Variants in ANKRD55 observed in about 807,000 individuals in gnomAD.
The protein encoded by ANKRD55 is ankyrin repeat domain 55.
ANKRD55 carries 41 observed loss-of-function variants against 60.6 expected under a neutral mutation model. The ratio of observed to expected loss-of-function variants is 0.68; its 90% CI spans 0.53 to 0.88. The LOEUF (loss-of-function observed/expected upper bound fraction) is 0.88. Among genes scored for constraint, ANKRD55 ranks in the 40% least tolerant of loss-of-function variants. ANKRD55 has a pLI of 0.00. For synonymous variants in ANKRD55, 264 were observed against 290.3 expected, an observed-to-expected ratio of 0.91 and a Z score of 0.92; for missense variants, 732 against 767.6, an observed-to-expected ratio of 0.95 and a Z score of 0.55.
chr5:56,107,403 T>C (rs1339675547), intron 10 of ANKRD55, among the ~76,000 whole-genome samples: 1 of 152,198 alleles, frequency 6.6e-6, no homozygotes, highest in Non-Finnish European at 1.5e-5. Context: ...TATTTCATTG[T>C]GTAAGTGAGC....
At chr5:56,107,921 G>A (rs1411362581) in intron 10 of ANKRD55, among the ~76,000 whole-genome samples, 1 of 151,494 alleles carries the variant, frequency 6.6e-6, no homozygotes, top group Admixed American at 6.6e-5. Flanking sequence ...CAAGTCTGGG[G>A]TGCAGTGGTG....
At position 56,171,276 on chromosome 5, in the gene ANKRD55, G is replaced by A. The variant is rs74924257; in HGVS notation, c.313-473C>T. Among the ~76,000 whole-genome samples, 17 of 152,146 alleles carry A rather than the reference G, an allele frequency of 1.1e-4. No individual in the cohort carries two copies. The East Asian group carries it at 1.5e-3, about 14-fold the overall frequency. The stretch of plus-strand genomic sequence containing the variant: ...CACCTTGTTGACTGATCTTTCTGAT[G>A]CTGAAAGCTTGAATTCCTAAATATA... On this transcript the variant is annotated intron_variant, in intron 4 of 11. Coordinates refer to ENST00000341048, the MANE Select transcript of ANKRD55 (RefSeq NM_024669.3).
chr5:56,184,698 G>T (rs1241160574), intron 2 of ANKRD55, among the ~76,000 whole-genome samples: 1 of 152,028 alleles, frequency 6.6e-6, no homozygotes, highest in Non-Finnish European at 1.5e-5. Context: ...AGGAGTTCGA[G>T]ATCAGCCTGG....
intron 2 of ANKRD55, among the ~76,000 whole-genome samples, chr5:56,213,465 C>G (rs1490140450): frequency 6.9e-6 from 1 of 144,982 alleles, no homozygotes; most frequent in Non-Finnish European, 1.5e-5. Flanking sequence ...ATTCTAAAAG[C>G]AAAAACAAAG....
intron 6 of ANKRD55, among the ~76,000 whole-genome samples, chr5:56,148,835 C>T (rs946023779): frequency 1.4e-5 from 2 of 145,968 alleles, no homozygotes; most frequent in East Asian, 2.2e-4. Flanking sequence ...GTTGGCGGTT[C>T]GGGGTGGGGT....
chr5:56,162,036 T>C (rs1322650405), intron 5 of ANKRD55: 36 of 985,336 alleles, frequency 3.7e-5, no homozygotes, highest in Non-Finnish European at 3.9e-5. Context: ...TGGCTCATTA[T>C]TGGCCATTGT....
chr5:56,179,397 T>G (rs116015320), intron 3 of ANKRD55, among the ~76,000 whole-genome samples: 1 of 152,042 alleles, frequency 6.6e-6, no homozygotes, highest in East Asian at 1.9e-4. Flanking sequence ...AGCTTCAGAA[T>G]AGCGGTTAGT....
intron 4 of ANKRD55, among the ~76,000 whole-genome samples, chr5:56,174,327 GT>G (rs1325291805): frequency 6.6e-6 from 1 of 152,200 alleles, no homozygotes. Flanking sequence ...AAGGGGGACA[GT>G]TTGCTTTCAC....
intron 7 of ANKRD55, among the ~76,000 whole-genome samples, chr5:56,143,321 T>C (rs1008760736): frequency 1.3e-5 from 2 of 152,304 alleles, no homozygotes; most frequent in Middle Eastern, 3.4e-3. Context: ...CTATTCTGAT[T>C]TGTTTGGTTG....
At chr5:56,109,858 A>G (rs1228024800) in intron 10 of ANKRD55, among the ~76,000 whole-genome samples, 1 of 152,096 alleles carries the variant, frequency 6.6e-6, no homozygotes, top group South Asian at 2.1e-4. Flanking sequence ...CTCTACTAAA[A>G]ATACAAAGAA....
rs545286978 is a variant in ANKRD55 at position 56,217,824 on chromosome 5, C to T, written c.58+15032G>A. 1.3e-4 allele frequency among the ~76,000 whole-genome samples: 19 copies of T among 150,574 alleles called. No homozygotes were observed. The East Asian group carries it at 1.4e-3, about 11-fold the overall frequency. On this transcript the variant is annotated intron_variant, in intron 2 of 11. Coordinates refer to ENST00000341048, the MANE Select transcript of ANKRD55 (RefSeq NM_024669.3). ...GGCAGGAGAATGGCATGAACCCAGG[C>T]GGCAGAACTTGCAGTGAGCCGAGAT...
At chr5:56,127,658 C>T in intron 7 of ANKRD55, 11 of 706,848 alleles carry the variant, frequency 1.6e-5, no homozygotes, top group Non-Finnish European at 1.9e-5. Flanking sequence ...ACTGTCTGAG[C>T]AGAGGCTACA....
intron 9 of ANKRD55, among the ~76,000 whole-genome samples, chr5:56,115,387 C>T (rs1032735754): frequency 6.0e-5 from 9 of 150,224 alleles, no homozygotes; most frequent in African/African-American, 1.2e-4. Flanking sequence ...GGCACTGTCT[C>T]GGCTTACTGC....
chr5:56,111,695 G>A lies in ANKRD55; in HGVS notation c.1053C>T (p.Cys351=), dbSNP rs1268875667. 4.6e-6 allele frequency: 7 copies of A among 1,523,294 alleles called. No homozygotes were observed. The African/African-American group carries it at 9.8e-5, about 21-fold the overall frequency. The allele number at this position is 1,523,294 out of a possible 1,614,324, so 94.4% of individuals were successfully genotyped here. The change falls in exon 10 of 12, where the codon TGC becomes TGT. Residue 351 remains cysteine, a synonymous_variant. Coordinates refer to ENST00000341048, the MANE Select transcript of ANKRD55 (RefSeq NM_024669.3). ...RRFNVLNQIF[C]KNKKEEQRAH... ...CTCTCTGCTCTTCTTTCTTGTTTTT[G>A]CAGAATATTTGGTTGAGCACGTTGA...
At chr5:56,166,643 C>A (rs146357440) in intron 5 of ANKRD55, among the ~76,000 whole-genome samples, 1,772 of 151,486 alleles carry the variant, frequency 0.012, 31 homozygotes, top group African/African-American at 0.04. Context: ...AGAGAAAACA[C>A]GGGCAGGAAA....
At chr5:56,143,780 G>C in intron 7 of ANKRD55, 21 bp downstream of exon 7, 1 of 1,614,096 alleles carries the variant, frequency 6.2e-7, no homozygotes, top group Non-Finnish European at 8.5e-7. Context: ...CCTGAGACCA[G>C]TCCACAGGTC....
intron 2 of ANKRD55, among the ~76,000 whole-genome samples, chr5:56,224,936 C>T (rs1760067817): frequency 1.3e-5 from 2 of 152,156 alleles, no homozygotes; most frequent in Non-Finnish European, 2.9e-5. Context: ...CCTTCTGAAA[C>T]CATTTCAATC....
At chr5:56,217,077 T>A (rs1581028251) in intron 2 of ANKRD55, among the ~76,000 whole-genome samples, 1 of 152,172 alleles carries the variant, frequency 6.6e-6, no homozygotes, top group African/African-American at 2.4e-5. Flanking sequence ...TGACTTGGAG[T>A]TGAAGCCAGT....
intron 3 of ANKRD55, among the ~76,000 whole-genome samples, chr5:56,182,950 C>T (rs569887375): frequency 4.9e-4 from 74 of 152,158 alleles, no homozygotes; most frequent in African/African-American, 1.8e-3. Context: ...TGTTGTTTTT[C>T]TTGCTGTTTG....
Sources: gnomAD v4.1 joint callset for allele counts (sites outside exome capture counted in the v4.1 genomes callset) on GRCh38, gnomAD v4.1.1 for gene constraint, MANE v1.5 for transcripts, NCBI Gene and HGNC (gene_info 2026-07-23, HGNC 2026-07-21) for gene names.